FAM20A: variants seen among roughly 807,000 people sequenced by gnomAD.
FAM20A encodes FAM20A golgi associated secretory pathway pseudokinase.
FAM20A carries 42 observed loss-of-function variants against 52.0 expected under a neutral mutation model. The observed-to-expected ratio is 0.81, with a 90% CI of 0.63 to 1.04. The LOEUF is 1.04. Among genes scored for constraint, FAM20A ranks in the 50% least tolerant of loss-of-function variants. FAM20A has a pLI of 0.00. For missense variants in FAM20A, 742 were observed against 712.7 expected, an observed-to-expected ratio of 1.04 and a Z score of -0.47; for synonymous variants, 304 against 298.9, an observed-to-expected ratio of 1.02 and a Z score of -0.18.
intron 1 of FAM20A, among the ~76,000 whole-genome samples, chr17:68,561,612 A>T (rs1280401962): frequency 1.4e-5 from 2 of 143,074 alleles, no homozygotes; most frequent in African/African-American, 5.5e-5. Context: ...TTTTTTTTTA[A>T]AGAGTTTTCC....
chr17:68,567,781 A>G (rs1296454558), intron 1 of FAM20A, among the ~76,000 whole-genome samples: 3 of 151,950 alleles, frequency 2.0e-5, no homozygotes, highest in African/African-American at 7.3e-5. Context: ...GGTCAAGGTG[A>G]CTGGATCACG....
At chr17:68,594,437 A>G (rs2088398574) in intron 1 of FAM20A, among the ~76,000 whole-genome samples, 1 of 151,990 alleles carries the variant, frequency 6.6e-6, no homozygotes, top group South Asian at 2.1e-4. Context: ...TTTGTCTTCT[A>G]TTGCTGTATA....
chr17:68,563,380 C>G (rs1428398868), intron 1 of FAM20A, among the ~76,000 whole-genome samples: 5 of 79,782 alleles, frequency 6.3e-5, no homozygotes, highest in Non-Finnish European at 1.3e-4. Context: ...GAGTGAGACT[C>G]CGTCTCAAAA....
chr17:68,542,916 A>C (rs574432789), intron 5 of FAM20A, 107 bp from the exon 6 acceptor site: 1 of 865,058 alleles, frequency 1.2e-6, no homozygotes. Flanking sequence ...TGTACCCAGG[A>C]GGGTGGCCGG....
intron 1 of FAM20A, among the ~76,000 whole-genome samples, chr17:68,595,487 C>CTAAAATAA (rs2088427555): frequency 6.6e-6 from 1 of 152,176 alleles, no homozygotes; most frequent in African/African-American, 2.4e-5. Context: ...TTGGAAACCA[C>CTAAAATAA]TAAAATAATA....
At chr17:68,569,703 A>G (rs2087483859) in intron 1 of FAM20A, among the ~76,000 whole-genome samples, 1 of 152,178 alleles carries the variant, frequency 6.6e-6, no homozygotes, top group Admixed American at 6.5e-5. Flanking sequence ...GAAAAGTTCT[A>G]TTGGACTCAG....
chr17:68,555,791 C>A, intron 1 of FAM20A, 48 bp from the exon 2 acceptor site: 1 of 1,601,364 alleles, frequency 6.2e-7, no homozygotes, highest in Non-Finnish European at 8.6e-7. Context: ...AATGCAAAGA[C>A]CCACCAAGAT....
intron 1 of FAM20A, among the ~76,000 whole-genome samples, chr17:68,578,019 ACACACG>A (rs2087822938): frequency 6.6e-6 from 1 of 152,074 alleles, no homozygotes; most frequent in Non-Finnish European, 1.5e-5. Flanking sequence ...ACACACACAC[ACACACG>A]CACACTATTA....
chr17:68,569,301 G>T (rs1279197503), intron 1 of FAM20A, among the ~76,000 whole-genome samples: 1 of 152,016 alleles, frequency 6.6e-6, no homozygotes, highest in Admixed American at 6.6e-5. Context: ...TCCTGAATCT[G>T]TCCACCCCTC....
intron 3 of FAM20A, among the ~76,000 whole-genome samples, chr17:68,552,665 C>CTTTT (rs1568739140): frequency 0.026 from 2,887 of 109,882 alleles, 435 homozygotes; most frequent in African/African-American, 0.089. Context: ...CCTTTATTTT[C>CTTTT]CTTTTTTTTT....
chr17:68,594,137 C>T (rs1464121210), intron 1 of FAM20A, among the ~76,000 whole-genome samples: 4 of 152,186 alleles, frequency 2.6e-5, no homozygotes, highest in Non-Finnish European at 5.9e-5. Flanking sequence ...ACTGGCCGGG[C>T]GCGGTGGCTC....
At chr17:68,591,265 A>AT (rs1290026814) in intron 1 of FAM20A, among the ~76,000 whole-genome samples, 3 of 151,956 alleles carry the variant, frequency 2.0e-5, no homozygotes, top group African/African-American at 2.4e-5. Flanking sequence ...CGCCCGGTTA[A>AT]TTTTTTTGTA....
intron 4 of FAM20A, among the ~76,000 whole-genome samples, chr17:68,545,891 C>T (rs539821838): frequency 2.1e-3 from 323 of 152,280 alleles, no homozygotes; most frequent in Non-Finnish European, 3.0e-3. Flanking sequence ...CCTTATTGGT[C>T]GGGTGCGGTG....
intron 2 of FAM20A, among the ~76,000 whole-genome samples, chr17:68,555,224 G>A (rs2087017776): frequency 6.6e-6 from 1 of 152,216 alleles, no homozygotes; most frequent in Admixed American, 6.5e-5. Flanking sequence ...CTGTGTCTCA[G>A]TTTCCCTGTC....
chr17:68,549,384 C>T (rs2086726996), intron 4 of FAM20A, among the ~76,000 whole-genome samples: 1 of 151,892 alleles, frequency 6.6e-6, no homozygotes, highest in East Asian at 1.9e-4. Context: ...ATCCCAGCTA[C>T]TTGGGAGGCT....
rs1211190198 is a variant in FAM20A at position 68,535,401 on chromosome 17, C to T, written c.*2076G>A. ...ACCAGTCCTTCGTTATAGGAGGTGG[C>T]GGGTTTTGAGGTAGAGCTGTAGCCT... On this transcript the variant is annotated 3_prime_UTR_variant, in exon 11 of 11. Transcript: ENST00000592554. 9 of 453,892 alleles carry T rather than the reference C, an allele frequency of 2.0e-5. No homozygotes were observed. The highest frequency in any genetic ancestry group is 6.9e-5 in the East Asian group (1 of 14,404). 28.1% of individuals were successfully genotyped at this position (453,892 alleles called of 1,614,324 possible).
intron 1 of FAM20A, among the ~76,000 whole-genome samples, chr17:68,585,645 G>T (rs1598075808): frequency 6.6e-6 from 1 of 152,132 alleles, no homozygotes; most frequent in Non-Finnish European, 1.5e-5. Flanking sequence ...AAAAAATCCA[G>T]GTTCATGGAG....
Position 68,540,951 on chromosome 17 carries a change from C to T in FAM20A, c.1117G>A (p.Val373Ile), listed in dbSNP as rs1012688874. ...YTLAGKEEWE[V>I]NPLYCDTVKQ... ...ACTGTGTCACAGTAAAGGGGATTGA[C>T]CTCCCACCTGAGGGGGAGAAGAAGT... is the stretch of plus-strand genomic sequence containing the variant. The change falls in exon 8 of 11, where the codon GTC becomes ATC. Residue 373 changes from valine to isoleucine, a missense_variant. Transcript: ENST00000592554. 2 of 1,588,418 alleles carry T rather than the reference C, an allele frequency of 1.3e-6. No individual in the cohort carries two copies. Among genetic ancestry groups the T allele is most frequent in the South Asian group, 1.1e-5 (1 of 87,790 alleles).
chr17:68,553,954 A>G (rs547198432), intron 3 of FAM20A, among the ~76,000 whole-genome samples: 1 of 104,512 alleles, frequency 9.6e-6, no homozygotes, highest in East Asian at 2.3e-4. Context: ...ACACACATAT[A>G]TGCATATATA....
Sources: allele counts gnomAD v4.1 joint callset (sites outside exome capture counted in the v4.1 genomes callset), GRCh38; gene constraint gnomAD v4.1.1; transcripts MANE v1.5; gene names NCBI Gene and HGNC (gene_info 2026-07-23, HGNC 2026-07-21).